Variants in SPTBN2 observed in about 807,000 individuals in gnomAD.
The protein encoded by SPTBN2 is spectrin beta chain, non-erythrocytic 2.
Under a neutral mutation model 284.2 loss-of-function variants are expected in SPTBN2, and 107 were observed. The ratio of observed to expected loss-of-function variants is 0.38; its 90% CI spans 0.32 to 0.44. The LOEUF (loss-of-function observed/expected upper bound fraction) is 0.44, where lower values mean the gene tolerates loss of function less well. Among genes scored for constraint, SPTBN2 ranks in the 20% least tolerant of loss-of-function variants. The pLI is 1.00. For synonymous variants in SPTBN2, 1,289 were observed against 1,354.8 expected (o/e 0.95, Z 1.07); for missense variants, 2,569 against 3,287.1 (o/e 0.78, Z 5.34).
At chr11:66,704,561 C>T (rs1476148131) in intron 15 of SPTBN2, 37 bp downstream of exon 15, 10 of 1,597,382 alleles carry the variant, frequency 6.3e-6, no homozygotes, top group African/African-American at 1.3e-5. Flanking sequence ...ACCCCCACCT[C>T]CCAAGGCTGG....
intron 1 of SPTBN2, chr11:66,728,025 C>A (rs1229057162): frequency 1.3e-5 from 2 of 149,784 alleles, no homozygotes; most frequent in Non-Finnish European, 3.0e-5. Flanking sequence ...CCCGTCCCCG[C>A]CTGCTCCCGC....
chr11:66,736,640 C>T (rs1008940224), intron 1 of SPTBN2, among the ~76,000 whole-genome samples: 1 of 152,232 alleles, frequency 6.6e-6, no homozygotes, highest in Non-Finnish European at 1.5e-5. Context: ...TGTCTGATTA[C>T]ACTCATCTGC....
intron 1 of SPTBN2, among the ~76,000 whole-genome samples, chr11:66,737,111 T>C (rs1242139657): frequency 6.6e-6 from 1 of 152,224 alleles, no homozygotes; most frequent in Non-Finnish European, 1.5e-5. Context: ...CAATAAGTGT[T>C]AGCTATTACT....
In SPTBN2 at chr11:66,700,329, GC is replaced by G. The variant is rs1313574650; in HGVS notation, c.3573+196del. 6.6e-6 allele frequency among the ~76,000 whole-genome samples: 1 copy of G among 152,028 alleles called. No individual in the cohort carries two copies. Among genetic ancestry groups the G allele is most frequent in the African/African-American group, 2.4e-5 (1 of 41,370 alleles). On this transcript the variant is annotated intron_variant, in intron 17 of 37. Transcript: ENST00000533211. This position sits in a 1 kb window ranked among gnomAD's most constrained non-coding sequence, Gnocchi z 6.6. ...TGTAGAGACAAGGTCTTGCCATGTT[GC>G]CCAGGTTGGTCTGGATATTCTCAGC...
At position 66,713,616 on chromosome 11, in the gene SPTBN2, T is replaced by A; in HGVS notation, c.772+15A>T. 1.9e-6 allele frequency: 3 copies of A among 1,607,848 alleles called. No individual in the cohort carries two copies. The highest frequency in any genetic ancestry group is 2.6e-6 in the Non-Finnish European group (3 of 1,174,946). On this transcript the variant is annotated intron_variant, in intron 8 of 37. Transcript: ENST00000533211. Reference sequence around the variant, plus strand: ...TCTACCCTACCACCTCTTTTTCACATAGCTCTGGCCCCACCTTCGGGATCC... The same window carrying A: ...TCTACCCTACCACCTCTTTTTCACAAAGCTCTGGCCCCACCTTCGGGATCC...
Position 66,707,702 on chromosome 11 carries a change from T to C in SPTBN2, c.1467A>G (p.Ala489=), listed in dbSNP as rs1565141188. 1 of 1,605,128 alleles carries C rather than the reference T, an allele frequency of 6.2e-7. No individual in the cohort carries two copies. The highest frequency in any genetic ancestry group is 2.2e-5 in the East Asian group (1 of 44,790). ...CGTGGTAGCGCTCGGCGGCCAGCTC[T>C]GCAGCCACGGCGTCCACTGCCTGCA... is the stretch of plus-strand genomic sequence containing the variant. ...GRVQAVDAVA[A]ELAAERYHDI... Residue 489 remains alanine, a synonymous_variant, in exon 13 of 38, where the codon GCA becomes GCG. Transcript: ENST00000533211. This position sits in a 1 kb window ranked among gnomAD's most constrained non-coding sequence, Gnocchi z 4.9.
At position 66,714,345 on chromosome 11, in the gene SPTBN2, C is replaced by A; in HGVS notation, c.546G>T (p.Leu182=). 6.2e-7 allele frequency: 1 copy of A among 1,614,080 alleles called. No homozygotes were observed. ...CAGTCTTCATCTGGCACCACAGAAG[C>A]AGGGCATCCTTGGCTGACTTCTTCT... ...NKEKKSAKDA[L]LLWCQMKTAG... Residue 182 remains leucine, a synonymous_variant, in exon 6 of 38, where the codon CTG becomes CTT. Transcript: ENST00000533211.
At chr11:66,706,931 C>T (rs1941593572) in intron 13 of SPTBN2, among the ~76,000 whole-genome samples, 1 of 152,248 alleles carries the variant, frequency 6.6e-6, no homozygotes, top group South Asian at 2.1e-4. Flanking sequence ...TGCGCCTGGC[C>T]CCTTCAAATC....
intron 13 of SPTBN2, among the ~76,000 whole-genome samples, chr11:66,706,715 C>T (rs1360500548): frequency 1.3e-5 from 2 of 151,826 alleles, no homozygotes; most frequent in African/African-American, 2.4e-5. Context: ...CTGCAACCTC[C>T]GCCTCCTGGG....
In SPTBN2 at chr11:66,699,008, A is replaced by G; in HGVS notation, c.3851T>C (p.Leu1284Pro). 1 of 1,614,236 alleles carries G rather than the reference A, an allele frequency of 6.2e-7. No homozygotes were observed. The highest frequency in any genetic ancestry group is 8.5e-7 in the Non-Finnish European group (1 of 1,180,044). The change falls in exon 19 of 38, where the codon CTG becomes CCG. Residue 1284 changes from leucine (L) to proline (P), a missense_variant. Physicochemically the swap from Leu to Pro is moderately conservative, Grantham distance 98. Coordinates refer to ENST00000533211, the MANE Select transcript of SPTBN2 (RefSeq NM_006946.4). The stretch of plus-strand genomic sequence containing the variant: ...GAGCCTCACCTCGTGACAATCTTGC[A>G]GGAAATGCTGCTGCTCCCGGTTGTC... The part of the protein sequence containing the change: ...LRDNREQQHF[L>P]QDCHELKLWI...
rs537057155 is a variant in SPTBN2 at position 66,683,288 on chromosome 11, G to A, written c.*2583C>T. On this transcript the variant is annotated 3_prime_UTR_variant, in exon 38 of 38. Coordinates refer to ENST00000533211, the MANE Select transcript of SPTBN2 (RefSeq NM_006946.4). ...TCACCGTTTTAGCCGGGATGGTCTC[G>A]ATCTCCTGACCTCGTGATCCGCCCG... Among the ~76,000 whole-genome samples the A allele has an allele frequency of 2.0e-5, 3 of 151,560 alleles. No homozygotes were observed. Among genetic ancestry groups the A allele is most frequent in the Non-Finnish European group, 4.4e-5 (3 of 67,884 alleles).
rs181620997 is a variant in SPTBN2, at chr11:66,718,277, G to T, written c.158-2296C>A. Among the ~76,000 whole-genome samples, 4 of 152,294 alleles carry T rather than the reference G, an allele frequency of 2.6e-5. No individual in the cohort carries two copies. The East Asian group carries it at 7.7e-4, about 29-fold the overall frequency. ...TTCCGTTGACATCTGTGTATTTTCC[G>T]GCCTCTTGTAATTATCCCCTCTAAG... On this transcript the variant is annotated intron_variant, in intron 3 of 37. Coordinates refer to ENST00000533211, the MANE Select transcript of SPTBN2 (RefSeq NM_006946.4). The surrounding 1 kb of genome is among the most constrained non-coding windows in gnomAD (Gnocchi z 4.8).
chr11:66,714,171 A>C lies in SPTBN2; in HGVS notation c.576T>G (p.Gly192=). The change falls in exon 7 of 38, where the codon GGT becomes GGG. Residue 192 remains glycine, a splice_region_variant and synonymous_variant. Transcript: ENST00000533211. ...AGTTGTGTACATTGACGTTGGGATA[A>C]CTATAAACAGAGATTCAGAAAATGG... ...LLLWCQMKTA[G]YPNVNVHNFT... is the part of the protein sequence containing the mutation. 6.2e-7 allele frequency: 1 copy of C among 1,614,196 alleles called. No individual in the cohort carries two copies. The highest frequency in any genetic ancestry group is 8.5e-7 in the Non-Finnish European group (1 of 1,180,012).
At position 66,696,461 on chromosome 11, in the gene SPTBN2, C is replaced by T. The variant is rs780892284; in HGVS notation, c.4094G>A (p.Trp1365Ter). Reference sequence around the variant, plus strand: ...TTGGGTGGTGGTCTCCAGCTCGTCCCAGCGCCTGTGCAGGTCTCTCAGCTT... The same window carrying T: ...TTGGGTGGTGGTCTCCAGCTCGTCCTAGCGCCTGTGCAGGTCTCTCAGCTT... The part of the protein sequence containing the change: ...SEKLRDLHRR[W>*]DELETTTQAK... Residue 1365 changes from tryptophan (W) to a stop codon, truncating the protein, a stop_gained, in exon 21 of 38, where the codon TGG (tryptophan) becomes TAG (stop). Coordinates refer to ENST00000533211, the MANE Select transcript of SPTBN2 (RefSeq NM_006946.4). LOFTEE classifies it high-confidence loss of function. 1.2e-6 allele frequency: 2 copies of T among 1,612,728 alleles called. No individual in the cohort carries two copies. The highest frequency in any genetic ancestry group is 1.3e-5 in the African/African-American group (1 of 75,058).
chr11:66,719,566 G>A (rs934670667), intron 3 of SPTBN2, among the ~76,000 whole-genome samples: 10 of 152,228 alleles, frequency 6.6e-5, no homozygotes, highest in Admixed American at 6.5e-4. Context: ...ACAGATGTGT[G>A]CACAGACATG....
At chr11:66,706,954 C>T (rs1364787300) in intron 13 of SPTBN2, among the ~76,000 whole-genome samples, 1 of 152,222 alleles carries the variant, frequency 6.6e-6, no homozygotes, top group East Asian at 1.9e-4. Flanking sequence ...TTTAAAGGAT[C>T]CATGTTACTT....
chr11:66,715,488 T>C lies in SPTBN2; in HGVS notation c.310-93A>G. 1 of 1,487,370 alleles carries C rather than the reference T, an allele frequency of 6.7e-7. No homozygotes were observed. Among genetic ancestry groups the C allele is most frequent in the Non-Finnish European group, 9.1e-7 (1 of 1,101,510 alleles). 92.1% of individuals were successfully genotyped at this position (1,487,370 alleles called of 1,614,324 possible). ...GGCCCAGCTTTGCACACCTTCCCCATGACCTACCTCAGGAACACAGACAGG... is the reference window on the plus strand; with the variant it reads ...GGCCCAGCTTTGCACACCTTCCCCACGACCTACCTCAGGAACACAGACAGG... On this transcript the variant is annotated intron_variant, in intron 4 of 37. Transcript: ENST00000533211. This position sits in a 1 kb window ranked among gnomAD's most constrained non-coding sequence, Gnocchi z 5.3.
At chr11:66,702,937 CA>C (rs1170116245) in intron 15 of SPTBN2, among the ~76,000 whole-genome samples, 719 of 42,628 alleles carry the variant, frequency 0.017, no homozygotes, top group African/African-American at 0.069. Context: ...GACTCCGTCT[CA>C]AAAAAAAAAA....
rs1941653404 is a variant in SPTBN2, at chr11:66,707,939, C to G, written c.1351-121G>C. The G allele has an allele frequency of 7.8e-6, 11 of 1,408,138 alleles. No individual in the cohort carries two copies. The highest frequency in any genetic ancestry group is 1.1e-5 in the Non-Finnish European group (11 of 1,034,260). 87.2% of individuals were successfully genotyped at this position (1,408,138 alleles called of 1,614,324 possible). On this transcript the variant is annotated intron_variant, in intron 12 of 37. Coordinates refer to ENST00000533211, the MANE Select transcript of SPTBN2 (RefSeq NM_006946.4). This position sits in a 1 kb window ranked among gnomAD's most constrained non-coding sequence, Gnocchi z 4.9. ...GCTCCATGCGGTGGCTCTAAGTTCCCTCTCTATCCCACCCCCATCCTGTCT... is the reference window on the plus strand; with the variant it reads ...GCTCCATGCGGTGGCTCTAAGTTCCGTCTCTATCCCACCCCCATCCTGTCT...
Sources: gnomAD v4.1 joint callset for allele counts (sites outside exome capture counted in the v4.1 genomes callset) on GRCh38, gnomAD v4.1.1 for gene constraint, Gnocchi (gnomAD v3.1) non-coding constraint, MANE v1.5 for transcripts, NCBI Gene and HGNC (gene_info 2026-07-23, HGNC 2026-07-21) for gene names.